ADGB: variants seen among roughly 807,000 people sequenced by gnomAD.
The protein encoded by ADGB is androglobin, also known as calpain-7-like protein.
In ADGB, 172 loss-of-function variants were observed where a neutral mutation model predicts 210.5. The observed-to-expected ratio is 0.82, with a 90% confidence interval of 0.72 to 0.93. The LOEUF is 0.93. Among genes scored for constraint, ADGB ranks in the 40% least tolerant of loss-of-function variants. The probability of loss-of-function intolerance (pLI) is 0.00; values close to 1 mark genes in which losing one functional copy is unlikely to be tolerated. For missense variants in ADGB, 2,025 were observed against 1,964.8 expected, an observed-to-expected ratio of 1.03 and a Z score of -0.58; for synonymous variants, 658 against 662.7, an observed-to-expected ratio of 0.99 and a Z score of 0.11.
chr6:146,635,007 A>G (rs1447871186), intron 1 of ADGB, among the ~76,000 whole-genome samples: 1 of 152,076 alleles, frequency 6.6e-6, no homozygotes, highest in African/African-American at 2.4e-5. Context: ...AATTTTCAAA[A>G]AAATATATGT....
intron 33 of ADGB, among the ~76,000 whole-genome samples, chr6:146,799,279 A>G (rs1778088846): frequency 6.6e-6 from 1 of 152,034 alleles, no homozygotes; most frequent in Admixed American, 6.6e-5. Context: ...ACTCCTAGAA[A>G]ATACAGTCAG....
chr6:146,647,622 T>C (rs1197093285), intron 3 of ADGB, among the ~76,000 whole-genome samples: 1 of 152,106 alleles, frequency 6.6e-6, no homozygotes, highest in Non-Finnish European at 1.5e-5. Flanking sequence ...TCTGTATTTA[T>C]TACTTTTATT....
At chr6:146,668,892 C>T (rs954183019) in intron 7 of ADGB, among the ~76,000 whole-genome samples, 3 of 152,076 alleles carry the variant, frequency 2.0e-5, no homozygotes, top group Non-Finnish European at 4.4e-5. Context: ...CTTCAAAGGA[C>T]TCTTGTTGGC....
At chr6:146,637,729 T>A (rs1177501613) in intron 2 of ADGB, among the ~76,000 whole-genome samples, 1 of 152,032 alleles carries the variant, frequency 6.6e-6, no homozygotes, top group Non-Finnish European at 1.5e-5. Flanking sequence ...AAGACATCAT[T>A]ATCTAGAGCC....
chr6:146,736,736 T>A, intron 23 of ADGB, 145 bp downstream of exon 23: 1 of 494,104 alleles, frequency 2.0e-6, no homozygotes. Flanking sequence ...ATATTTTATC[T>A]GAAACATTTC....
chr6:146,769,301 T>C (rs1017573377), intron 29 of ADGB, among the ~76,000 whole-genome samples, 170 bp downstream of exon 29: 1 of 152,184 alleles, frequency 6.6e-6, no homozygotes, highest in Non-Finnish European at 1.5e-5. Context: ...TAATTGATTA[T>C]ATGTTTCAAT....
At chr6:146,755,380 G>T (rs1026418014) in intron 27 of ADGB, among the ~76,000 whole-genome samples, 1 of 152,082 alleles carries the variant, frequency 6.6e-6, no homozygotes, top group Non-Finnish European at 1.5e-5. Flanking sequence ...GGGACCTCGT[G>T]GGAGGTGATT....
intron 21 of ADGB, among the ~76,000 whole-genome samples, chr6:146,733,524 A>C (rs1386220030): frequency 6.6e-6 from 1 of 152,258 alleles, no homozygotes; most frequent in East Asian, 1.9e-4. Context: ...GGAAGTCACT[A>C]ATCTATATGG....
intron 1 of ADGB, among the ~76,000 whole-genome samples, chr6:146,623,617 T>G (rs1038624719): frequency 1.3e-5 from 2 of 152,050 alleles, no homozygotes; most frequent in Admixed American, 1.3e-4. Context: ...TCTACATAGT[T>G]ACAATCATGT....
At chr6:146,670,971 G>A (rs919476526) in intron 7 of ADGB, among the ~76,000 whole-genome samples, 2 of 152,172 alleles carry the variant, frequency 1.3e-5, no homozygotes, top group African/African-American at 4.8e-5. Flanking sequence ...GCTGATTGAG[G>A]TGGGGAATCC....
intron 24 of ADGB, 55 bp from the exon 25 acceptor site, chr6:146,741,063 C>A: frequency 1.5e-6 from 2 of 1,364,518 alleles, no homozygotes; most frequent in Non-Finnish European, 1.9e-6. Flanking sequence ...ATGCAAATTT[C>A]AAACTTCCTT....
At chr6:146,732,015 C>T (rs1776995443) in intron 20 of ADGB, among the ~76,000 whole-genome samples, 1 of 152,156 alleles carries the variant, frequency 6.6e-6, no homozygotes, top group Non-Finnish European at 1.5e-5. Flanking sequence ...TATGTACGTA[C>T]TTCAAGTGAC....
At chr6:146,723,983 A>C (rs1424744725) in intron 17 of ADGB, among the ~76,000 whole-genome samples, 1 of 152,128 alleles carries the variant, frequency 6.6e-6, no homozygotes, top group Non-Finnish European at 1.5e-5. Context: ...TACAAGGAAG[A>C]ATATTGAACA....
intron 1 of ADGB, among the ~76,000 whole-genome samples, chr6:146,612,252 T>A (rs530830109): frequency 6.6e-6 from 1 of 152,110 alleles, no homozygotes; most frequent in African/African-American, 2.4e-5. Flanking sequence ...ACAATTATTC[T>A]TTATTTAAGA....
At chr6:146,723,971 G>A (rs1210499545) in intron 17 of ADGB, among the ~76,000 whole-genome samples, 6 of 152,078 alleles carry the variant, frequency 3.9e-5, no homozygotes, top group East Asian at 1.9e-4. Context: ...TGAGAGGATT[G>A]TTACAAGGAA....
At chr6:146,637,559 T>A (rs1323555632) in intron 2 of ADGB, among the ~76,000 whole-genome samples, 1 of 151,938 alleles carries the variant, frequency 6.6e-6, no homozygotes, top group African/African-American at 2.4e-5. Flanking sequence ...ACACTCCAGC[T>A]TTTTTAGACA....
chr6:146,704,022 T>C (rs1008033401), intron 13 of ADGB, among the ~76,000 whole-genome samples: 1 of 152,062 alleles, frequency 6.6e-6, no homozygotes, highest in African/African-American at 2.4e-5. Flanking sequence ...TGAAGTGATA[T>C]CTCACTGTGG....
intron 35 of ADGB, chr6:146,802,815 A>C: frequency 1.2e-6 from 2 of 1,608,220 alleles, no homozygotes; most frequent in Non-Finnish European, 1.7e-6. Flanking sequence ...TGTAATAAAT[A>C]AGCATCTACA....
intron 35 of ADGB, among the ~76,000 whole-genome samples, chr6:146,804,122 T>C (rs1475959451): frequency 6.6e-6 from 1 of 151,982 alleles, no homozygotes. Flanking sequence ...TGACAACAAA[T>C]GAAAAAAGGA....
Sources: gnomAD v4.1 joint callset for allele counts (sites outside exome capture counted in the v4.1 genomes callset) on GRCh38, gnomAD v4.1.1 for gene constraint, MANE v1.5 for transcripts, NCBI Gene and HGNC (gene_info 2026-07-23, HGNC 2026-07-21) for gene names.